APAF1: variants seen among roughly 807,000 people sequenced by gnomAD.
The protein encoded by APAF1 is apoptotic protease-activating factor 1.
APAF1 carries 91 observed loss-of-function variants against 152.4 expected under a neutral mutation model. That is an observed-to-expected ratio of 0.60 (90% confidence interval 0.50 to 0.71). The LOEUF (loss-of-function observed/expected upper bound fraction) is 0.71, where lower values mean the gene tolerates loss of function less well. Ranked by LOEUF, APAF1 falls within the 30% of genes least tolerant of loss-of-function variation. APAF1 has a pLI of 0.00. For missense variants in APAF1, 1,283 were observed against 1,472.0 expected (o/e 0.87, Z 2.10); for synonymous variants, 484 against 494.1 (o/e 0.98, Z 0.27).
chr12:98,721,101 G>A (rs10437887), intron 22 of APAF1, among the ~76,000 whole-genome samples: 138,124 of 152,308 alleles, frequency 0.91, 62,780 homozygotes, highest in African/African-American at 0.98. Context: ...CTCAACTTTT[G>A]CATTTGACTA....
chr12:98,647,462 G>A (rs2097642766), intron 1 of APAF1, among the ~76,000 whole-genome samples: 1 of 151,408 alleles, frequency 6.6e-6, no homozygotes, highest in Admixed American at 6.6e-5. Context: ...AACCTCTGCC[G>A]CCCTGGTTCA....
At chr12:98,715,854 A>C (rs1331156778) in intron 22 of APAF1, among the ~76,000 whole-genome samples, 1 of 152,150 alleles carries the variant, frequency 6.6e-6, no homozygotes, top group East Asian at 1.9e-4. Context: ...TGCCACATTT[A>C]TGTAATTTCT....
chr12:98,706,705 A>C, intron 19 of APAF1, 95 bp downstream of exon 19: 8 of 1,419,452 alleles, frequency 5.6e-6, no homozygotes, highest in Non-Finnish European at 7.9e-6. Context: ...TGAGGTAAGC[A>C]GAATAGGAAA....
intron 20 of APAF1, among the ~76,000 whole-genome samples, chr12:98,710,139 G>A (rs946450722): frequency 2.8e-4 from 42 of 150,516 alleles, no homozygotes; most frequent in Non-Finnish European, 1.3e-4. Context: ...CTCCCAAAGA[G>A]CTGGGATTAT....
chr12:98,685,896 C>A (rs1322667277), intron 15 of APAF1, among the ~76,000 whole-genome samples: 1 of 152,192 alleles, frequency 6.6e-6, no homozygotes. Flanking sequence ...CTCAGCCTCC[C>A]AAAGTGCTGG....
Position 98,660,720 on chromosome 12 carries a change from A to G in APAF1, c.710+1377A>G, listed in dbSNP as rs372243253. 3.3e-5 allele frequency among the ~76,000 whole-genome samples: 5 copies of G among 152,336 alleles called. No individual in the cohort carries two copies. In the South Asian group the frequency reaches 1.0e-3, roughly 32 times the overall value. On this transcript the variant is annotated intron_variant, in intron 5 of 26. Coordinates refer to ENST00000551964, the MANE Select transcript of APAF1 (RefSeq NM_181861.2). ...TGGGCCAAGTGCTGCAAGTACAAAG[A>G]TAAATAAAGCATTCCTTGGGAATGT...
At chr12:98,680,710 G>A (rs1047403471) in intron 14 of APAF1, among the ~76,000 whole-genome samples, 4 of 151,900 alleles carry the variant, frequency 2.6e-5, no homozygotes, top group East Asian at 1.9e-4. Flanking sequence ...GCCACTGTGC[G>A]TGGCCTGAAA....
chr12:98,687,673 G>T (rs565689665), intron 16 of APAF1, among the ~76,000 whole-genome samples: 2 of 152,032 alleles, frequency 1.3e-5, no homozygotes, highest in Non-Finnish European at 2.9e-5. Context: ...TGAGGGTAGC[G>T]CCCTCATGAC....
intron 21 of APAF1, among the ~76,000 whole-genome samples, chr12:98,713,472 C>T (rs2097730430): frequency 6.6e-6 from 1 of 152,300 alleles, no homozygotes; most frequent in East Asian, 1.9e-4. Context: ...CCAATCCTTG[C>T]TGTTCTACTT....
chr12:98,671,264 T>C (rs574668493), intron 11 of APAF1, among the ~76,000 whole-genome samples, 178 bp downstream of exon 11: 4 of 152,208 alleles, frequency 2.6e-5, no homozygotes, highest in Middle Eastern at 3.4e-3. Flanking sequence ...GTAGGTAGGA[T>C]TGAAGTTTAA....
rs1051609116 is a variant in APAF1 at position 98,650,225 on chromosome 12, G to A, written c.526+541G>A. ...ATTTTTTTTTTAGTAGGCCAGGCACGGTGGCTCATGCTTGTAATCCCAGCT... is the reference window on the plus strand; with the variant it reads ...ATTTTTTTTTTAGTAGGCCAGGCACAGTGGCTCATGCTTGTAATCCCAGCT... On this transcript the variant is annotated intron_variant, in intron 4 of 26. Transcript: ENST00000551964. Among the ~76,000 whole-genome samples, 11 of 151,932 alleles carry A rather than the reference G, an allele frequency of 7.2e-5. 1 individual carries two copies. Among genetic ancestry groups the A allele is most frequent in the South Asian group, 4.2e-4 (2 of 4,814 alleles).
chr12:98,668,605 A>G (rs763247589), intron 10 of APAF1, among the ~76,000 whole-genome samples: 1 of 152,220 alleles, frequency 6.6e-6, no homozygotes, highest in African/African-American at 2.4e-5. Context: ...GGGTAGAATC[A>G]TCATGATTTG....
In APAF1 at chr12:98,683,379, T is replaced by A. The variant is rs114232401; in HGVS notation, c.2178+105T>A. 1.0e-3 allele frequency: 1,168 copies of A among 1,126,206 alleles called. 8 individuals are homozygous for A. The African/African-American group carries it at 0.015, about 14-fold the overall frequency. The allele number at this position is 1,126,206 out of a possible 1,614,324, so 69.8% of individuals were successfully genotyped here. ...TACTATTAGGACTTTCTGGTCACAA[T>A]GATAGAAACTACAATAATATATTAG... On this transcript the variant is annotated intron_variant, in intron 15 of 26. Transcript: ENST00000551964.
intron 22 of APAF1, among the ~76,000 whole-genome samples, chr12:98,718,609 T>C (rs1258293815): frequency 6.6e-6 from 1 of 152,178 alleles, no homozygotes; most frequent in Non-Finnish European, 1.5e-5. Flanking sequence ...TTCACAGCTC[T>C]GCAGCTCGTT....
At position 98,645,684 on chromosome 12, in the gene APAF1, C is replaced by T. The variant is rs927814739; in HGVS notation, c.-193C>T. ...GGCGCCTGTGAGGCCCGGACCTGCC[C>T]CGGGGCGAAGGGTATGTGGCGAGAC... On this transcript the variant is annotated 5_prime_UTR_variant, in exon 1 of 27. Coordinates refer to ENST00000551964, the MANE Select transcript of APAF1 (RefSeq NM_181861.2). 1.3e-5 allele frequency: 2 copies of T among 152,334 alleles called. No homozygotes were observed. Among genetic ancestry groups the T allele is most frequent in the Non-Finnish European group, 2.9e-5 (2 of 68,138 alleles). 9.4% of individuals were successfully genotyped at this position (152,334 alleles called of 1,614,324 possible).
chr12:98,664,078 G>A (rs1301948386), intron 7 of APAF1, among the ~76,000 whole-genome samples: 1 of 151,478 alleles, frequency 6.6e-6, no homozygotes, highest in Non-Finnish European at 1.5e-5. Context: ...GGAGTGCAGT[G>A]GTGCGACCTC....
At chr12:98,718,106 T>G (rs1216610875) in intron 22 of APAF1, among the ~76,000 whole-genome samples, 4 of 152,218 alleles carry the variant, frequency 2.6e-5, no homozygotes, top group Non-Finnish European at 5.9e-5. Context: ...AATTCTACCC[T>G]CAGTTGTGCT....
rs745862330 is a variant in APAF1, at chr12:98,667,675, C to T, written c.1494+31C>T. On this transcript the variant is annotated intron_variant, in intron 10 of 26. Transcript: ENST00000551964. Reference sequence around the variant, plus strand: ...ATGACCCATTTAAAAATTCTTTTATCTGACTTCCCTTTTTCCATATGTATT... The same window carrying T: ...ATGACCCATTTAAAAATTCTTTTATTTGACTTCCCTTTTTCCATATGTATT... 47 of 1,607,678 alleles carry T rather than the reference C, an allele frequency of 2.9e-5. No homozygotes were observed. The Middle Eastern group carries it at 1.2e-3, about 39-fold the overall frequency.
intron 4 of APAF1, among the ~76,000 whole-genome samples, chr12:98,654,013 C>T (rs939837069): frequency 7.9e-5 from 12 of 152,070 alleles, no homozygotes; most frequent in African/African-American, 2.7e-4. Flanking sequence ...GGAGTTTTCC[C>T]TGAATAAAGG....
Sources: gnomAD v4.1 joint callset for allele counts (sites outside exome capture counted in the v4.1 genomes callset) on GRCh38, gnomAD v4.1.1 for gene constraint, MANE v1.5 for transcripts, NCBI Gene and HGNC (gene_info 2026-07-23, HGNC 2026-07-21) for gene names.